Variants in PKIB observed in about 807,000 individuals in gnomAD.
PKIB encodes the protein PKI-beta.
A neutral mutation model predicts 4.5 loss-of-function variants in PKIB; 2 were observed. The observed-to-expected ratio is 0.44, with a 90% CI of 0.18 to 1.39. The LOEUF (loss-of-function observed/expected upper bound fraction) is 1.39. PKIB is among the 40% of genes most tolerant of loss of function. The pLI, the probability that PKIB is intolerant of heterozygous loss-of-function variation, is 0.27. For synonymous variants in PKIB, 38 were observed against 36.0 expected (o/e 1.06, Z -0.20); for missense variants, 94 against 92.6 (o/e 1.02, Z -0.06).
intron 2 of PKIB, among the ~76,000 whole-genome samples, chr6:122,505,491 TA>T (rs1776369840): frequency 1.3e-5 from 2 of 152,336 alleles, no homozygotes; most frequent in African/African-American, 4.8e-5. Context: ...ATCTGTAGAC[TA>T]AAAGTAAACA....
chr6:122,488,094 G>T (rs1562226026), intron 2 of PKIB, among the ~76,000 whole-genome samples: 1 of 152,078 alleles, frequency 6.6e-6, no homozygotes, highest in East Asian at 1.9e-4. Context: ...TCCATCCAAG[G>T]TTCTTATCTC....
chr6:122,562,662 T>C (rs1773069431), intron 2 of PKIB, among the ~76,000 whole-genome samples: 2 of 152,146 alleles, frequency 1.3e-5, no homozygotes, highest in Non-Finnish European at 2.9e-5. Context: ...TTCTTATTCT[T>C]TTTTCTTTGT....
chr6:122,670,195 C>G (rs947599895), intron 2 of PKIB, among the ~76,000 whole-genome samples: 4 of 151,962 alleles, frequency 2.6e-5, no homozygotes, highest in Non-Finnish European at 4.4e-5. Context: ...CACTTCTGCA[C>G]CTAGCCATAT....
intron 2 of PKIB, among the ~76,000 whole-genome samples, chr6:122,655,272 G>A (rs1776721720): frequency 1.3e-5 from 2 of 152,154 alleles, no homozygotes; most frequent in Non-Finnish European, 2.9e-5. Context: ...CAGAATATTT[G>A]TGTTCTCCTC....
intron 2 of PKIB, among the ~76,000 whole-genome samples, chr6:122,669,446 T>C (rs1047322342): frequency 1.3e-4 from 20 of 152,170 alleles, no homozygotes; most frequent in African/African-American, 4.6e-4. Flanking sequence ...CCCTTTCCTA[T>C]GTAGGATAAT....
intron 2 of PKIB, among the ~76,000 whole-genome samples, chr6:122,566,435 T>TA (rs1186820445): frequency 6.6e-5 from 10 of 152,272 alleles, no homozygotes; most frequent in Non-Finnish European, 1.2e-4. Context: ...GTTTTATATA[T>TA]AGCCTCAAAA....
chr6:122,645,519 T>A (rs1223541658), intron 2 of PKIB, among the ~76,000 whole-genome samples: 1 of 151,954 alleles, frequency 6.6e-6, no homozygotes, highest in Non-Finnish European at 1.5e-5. Flanking sequence ...AGCAGGTGGG[T>A]GGGTTGTGGT....
chr6:122,478,378 T>C (rs1562222257), intron 2 of PKIB: 1 of 152,196 alleles, frequency 6.6e-6, no homozygotes, highest in Non-Finnish European at 1.5e-5. Flanking sequence ...AGCAGAATTC[T>C]CTCTACCTAT....
At chr6:122,723,702 A>G (rs1779830436) in intron 4 of PKIB, among the ~76,000 whole-genome samples, 1 of 151,922 alleles carries the variant, frequency 6.6e-6, no homozygotes. Context: ...TCTCCCCACT[A>G]TCTATATAGA....
intron 2 of PKIB, among the ~76,000 whole-genome samples, chr6:122,548,254 A>G (rs967423075): frequency 6.6e-6 from 1 of 152,248 alleles, no homozygotes; most frequent in Non-Finnish European, 1.5e-5. Flanking sequence ...AATTTTAAAT[A>G]TGAAAATAAC....
intron 1 of PKIB, among the ~76,000 whole-genome samples, chr6:122,631,635 A>G (rs1428225798): frequency 5.3e-5 from 8 of 152,152 alleles, no homozygotes; most frequent in Admixed American, 4.6e-4. Context: ...GACAGGCAGG[A>G]TTAATATTAT....
At chr6:122,682,891 G>A (rs1777956450) in intron 3 of PKIB, among the ~76,000 whole-genome samples, 3 of 152,182 alleles carry the variant, frequency 2.0e-5, no homozygotes, top group Non-Finnish European at 4.4e-5. Context: ...GATAACATGA[G>A]AGAATTATAG....
At chr6:122,615,347 CAG>C (rs1774938209) in intron 1 of PKIB, among the ~76,000 whole-genome samples, 1 of 152,022 alleles carries the variant, frequency 6.6e-6, no homozygotes, top group Non-Finnish European at 1.5e-5. Context: ...GTCAGGGCAG[CAG>C]AATTAGGGAT....
At chr6:122,650,430 A>T (rs931638958) in intron 2 of PKIB, among the ~76,000 whole-genome samples, 3 of 152,132 alleles carry the variant, frequency 2.0e-5, no homozygotes, top group African/African-American at 7.2e-5. Context: ...TAGTGTTATA[A>T]CCCTTGTTTA....
rs191543034 is a variant in PKIB at position 122,555,329 on chromosome 6, C to A, written c.-247-30592C>A. Among the ~76,000 whole-genome samples the A allele has an allele frequency of 3.1e-3, 472 of 152,274 alleles. 1 individual carries two copies. Among genetic ancestry groups the A allele is most frequent in the Non-Finnish European group, 5.5e-3 (373 of 68,004 alleles). On this transcript the variant is annotated intron_variant, in intron 2 of 6. Transcript: ENST00000392491. Reference sequence around the variant, plus strand: ...AAAACACACAATGTATTCTAGGAAACGTGAGGAATCCATCCTGACTTGAGA... The same window carrying A: ...AAAACACACAATGTATTCTAGGAAAAGTGAGGAATCCATCCTGACTTGAGA...
intron 2 of PKIB, among the ~76,000 whole-genome samples, chr6:122,485,347 T>G (rs531252062): frequency 3.5e-4 from 53 of 152,278 alleles, no homozygotes; most frequent in African/African-American, 1.3e-3. Context: ...TACATTGAAA[T>G]TATTTCCCAA....
chr6:122,554,068 A>T (rs1375104179), intron 2 of PKIB, among the ~76,000 whole-genome samples: 2 of 152,256 alleles, frequency 1.3e-5, no homozygotes. Context: ...CGCAAAAGCA[A>T]TCAGAAATCA....
intron 2 of PKIB, among the ~76,000 whole-genome samples, chr6:122,528,055 A>G (rs1169631635): frequency 2.6e-5 from 4 of 152,066 alleles, no homozygotes; most frequent in Non-Finnish European, 5.9e-5. Flanking sequence ...GGAAACTTGG[A>G]TATTTGGTGC....
chr6:122,701,558 T>G, intron 3 of PKIB: 1 of 1,566,024 alleles, frequency 6.4e-7, no homozygotes, highest in Non-Finnish European at 8.7e-7. Flanking sequence ...TTAAAAGAGA[T>G]GGCATAACAG....
Sources: gnomAD v4.1 joint callset for allele counts (sites outside exome capture counted in the v4.1 genomes callset) on GRCh38, gnomAD v4.1.1 for gene constraint, MANE v1.5 for transcripts, NCBI Gene and HGNC (gene_info 2026-07-23, HGNC 2026-07-21) for gene names.